PHF5A: variants seen among roughly 807,000 people sequenced by gnomAD.
PHF5A encodes PHD finger-like domain-containing protein 5A.
For synonymous variants in PHF5A, 52 were observed against 46.0 expected, an observed-to-expected ratio of 1.13 and a Z score of -0.52; for missense variants, 24 against 140.6, an observed-to-expected ratio of 0.17 and a Z score of 4.19.
intron 3 of PHF5A, among the ~76,000 whole-genome samples, chr22:41,462,985 T>G (rs547593947): frequency 2.0e-5 from 3 of 151,742 alleles, no homozygotes; most frequent in Non-Finnish European, 4.4e-5. Flanking sequence ...GCAATTCTCC[T>G]GCCTCAGACT....
intron 3 of PHF5A, 104 bp from the exon 4 acceptor site, chr22:41,460,591 A>G (rs2037819442): frequency 5.1e-6 from 4 of 785,842 alleles, no homozygotes; most frequent in African/African-American, 3.5e-5. Flanking sequence ...CTTTAGTCCC[A>G]GCTACTACTC....
At chr22:41,460,737 T>C (rs1430334883) in intron 3 of PHF5A, among the ~76,000 whole-genome samples, 1 of 135,376 alleles carries the variant, frequency 7.4e-6, no homozygotes, top group African/African-American at 2.7e-5. Flanking sequence ...AAAAAAAAAA[T>C]TGGTCACAGA....
chr22:41,461,637 C>T (rs1161569936), intron 3 of PHF5A, among the ~76,000 whole-genome samples: 1 of 151,806 alleles, frequency 6.6e-6, no homozygotes, highest in East Asian at 1.9e-4. Flanking sequence ...GGATTACAGG[C>T]GTGAGTCACA....
chr22:41,460,541 C>T, intron 3 of PHF5A, 54 bp from the exon 4 acceptor site: 1 of 1,454,240 alleles, frequency 6.9e-7, no homozygotes, highest in Admixed American at 1.8e-5. Flanking sequence ...CCAAGAGTGA[C>T]TTAAGATAAA....
intron 3 of PHF5A, among the ~76,000 whole-genome samples, chr22:41,466,040 A>G (rs894860434): frequency 2.0e-5 from 3 of 152,252 alleles, no homozygotes; most frequent in Non-Finnish European, 4.4e-5. Context: ...ACAAGGTGTG[A>G]TAACATCTAT....
Position 41,459,803 on chromosome 22 carries a change from T to C in PHF5A, c.*595A>G, listed in dbSNP as rs1042993. On this transcript the variant is annotated 3_prime_UTR_variant, in exon 4 of 4. Coordinates refer to ENST00000216252, the MANE Select transcript of PHF5A (RefSeq NM_032758.4). ...CAAAAGGAAAATAATATGAGACTAG[T>C]GGGCTATGATGATGCCTGTGAATAG... 4.6e-5 allele frequency: 7 copies of C among 151,332 alleles called. No individual in the cohort carries two copies. The highest frequency in any genetic ancestry group is 7.4e-5 in the Non-Finnish European group (5 of 67,914). The allele number at this position is 151,332 out of a possible 1,614,324, so 9.4% of individuals were successfully genotyped here.
chr22:41,467,294 A>G (rs928477432), intron 3 of PHF5A, among the ~76,000 whole-genome samples, 154 bp downstream of exon 3: 9 of 152,158 alleles, frequency 5.9e-5, no homozygotes, highest in African/African-American at 2.2e-4. Flanking sequence ...CTTTTATTGG[A>G]CTACACCCAG....
chr22:41,463,836 A>G (rs2037845791), intron 3 of PHF5A, among the ~76,000 whole-genome samples: 1 of 151,572 alleles, frequency 6.6e-6, no homozygotes, highest in African/African-American at 2.4e-5. Context: ...GGAGATTGTA[A>G]TGAGCCGAGA....
At chr22:41,466,988 C>T (rs1170072956) in intron 3 of PHF5A, among the ~76,000 whole-genome samples, 5 of 150,802 alleles carry the variant, frequency 3.3e-5, no homozygotes, top group Admixed American at 6.6e-5. Flanking sequence ...CAAGAGACCC[C>T]ATCTCAAAAA....
chr22:41,465,620 G>A (rs918878961), intron 3 of PHF5A, among the ~76,000 whole-genome samples: 4 of 152,026 alleles, frequency 2.6e-5, no homozygotes, highest in African/African-American at 7.2e-5. Context: ...GATGGCTCAC[G>A]CCTGTAATCC....
At chr22:41,462,346 C>T (rs910099245) in intron 3 of PHF5A, among the ~76,000 whole-genome samples, 20 of 152,308 alleles carry the variant, frequency 1.3e-4, no homozygotes, top group African/African-American at 4.3e-4. Flanking sequence ...TCATTTCTAA[C>T]TCAACTAATA....
chr22:41,468,103 G>C, intron 2 of PHF5A, 21 bp downstream of exon 2: 1 of 1,613,500 alleles, frequency 6.2e-7, no homozygotes, highest in South Asian at 1.1e-5. Context: ...GTGGGTTGTT[G>C]GGACGGTGTG....
At chr22:41,467,029 CAA>C (rs2037871617) in intron 3 of PHF5A, among the ~76,000 whole-genome samples, 1 of 97,676 alleles carries the variant, frequency 1.0e-5, no homozygotes, top group Non-Finnish European at 2.1e-5. Flanking sequence ...AAACAAAAAA[CAA>C]AACACTTTTT....
intron 1 of PHF5A, 113 bp from the exon 2 acceptor site, chr22:41,468,260 A>G: frequency 1.1e-6 from 1 of 948,274 alleles, no homozygotes; most frequent in Non-Finnish European, 1.6e-6. Flanking sequence ...AGTGAGTGAG[A>G]CCTGCGGATA....
chr22:41,463,333 G>A (rs1601865508), intron 3 of PHF5A, among the ~76,000 whole-genome samples: 1 of 151,754 alleles, frequency 6.6e-6, no homozygotes, highest in East Asian at 2.0e-4. Flanking sequence ...GCTCACGCCT[G>A]TAATCCCAGC....
intron 3 of PHF5A, 126 bp downstream of exon 3, chr22:41,467,322 G>A: frequency 2.1e-6 from 2 of 951,644 alleles, no homozygotes; most frequent in Non-Finnish European, 3.1e-6. Flanking sequence ...CACAGAACTT[G>A]AAGAAATTAT....
chr22:41,467,405 T>C (rs750563890), intron 3 of PHF5A, 43 bp downstream of exon 3: 43 of 1,596,222 alleles, frequency 2.7e-5, no homozygotes, highest in Non-Finnish European at 3.6e-5. Flanking sequence ...AAAGTGTTAC[T>C]AAACAAAAGG....
rs1012785001 is a variant in PHF5A, at chr22:41,460,232, C to G, written c.*166G>C. On this transcript the variant is annotated 3_prime_UTR_variant, in exon 4 of 4. Coordinates refer to ENST00000216252, the MANE Select transcript of PHF5A (RefSeq NM_032758.4). Reference sequence around the variant, plus strand: ...GTGAAGAATCCTTTTCCATCCCTACCACGTGTCTGGGTGAAGGGAGAGGAG... The same window carrying G: ...GTGAAGAATCCTTTTCCATCCCTACGACGTGTCTGGGTGAAGGGAGAGGAG... The G allele has an allele frequency of 7.1e-6, 4 of 565,542 alleles. No homozygotes were observed. The highest frequency in any genetic ancestry group is 1.3e-5 in the Non-Finnish European group (4 of 314,374). 35.0% of individuals were successfully genotyped at this position (565,542 alleles called of 1,614,324 possible). A position where few individuals can be genotyped will look rare whatever the true frequency, so the allele number is the denominator to read the frequency against.
intron 3 of PHF5A, among the ~76,000 whole-genome samples, chr22:41,463,563 T>C (rs1468581292): frequency 6.7e-6 from 1 of 149,204 alleles, no homozygotes; most frequent in Admixed American, 6.7e-5. Flanking sequence ...CTGTCTCTAC[T>C]AAAAACAAAA....
Sources: allele counts gnomAD v4.1 joint callset (sites outside exome capture counted in the v4.1 genomes callset), GRCh38; gene constraint gnomAD v4.1.1; transcripts MANE v1.5; gene names NCBI Gene and HGNC (gene_info 2026-07-23, HGNC 2026-07-21).